The following TMEM132D variants were observed in gnomAD, a reference collection of about 807,000 sequenced individuals.
TMEM132D encodes the protein mature OL transmembrane protein.
TMEM132D carries 21 observed loss-of-function variants against 62.3 expected under a neutral mutation model. That is an observed-to-expected ratio of 0.34 (90% CI 0.24 to 0.49). The LOEUF (loss-of-function observed/expected upper bound fraction) is 0.49, where lower values mean the gene tolerates loss of function less well. TMEM132D is among the 20% of genes least tolerant of loss of function. TMEM132D has a pLI of 0.99. For missense variants in TMEM132D, 1,346 were observed against 1,402.8 expected, an observed-to-expected ratio of 0.96 and a Z score of 0.65; for synonymous variants, 621 against 575.6, an observed-to-expected ratio of 1.08 and a Z score of -1.13.
At chr12:129,366,796 C>T (rs1299025696) in intron 3 of TMEM132D, among the ~76,000 whole-genome samples, 1 of 152,116 alleles carries the variant, frequency 6.6e-6, no homozygotes, top group Non-Finnish European at 1.5e-5. Flanking sequence ...GCCGAGAATC[C>T]TTCAGCAGAG....
chr12:129,133,800 A>G (rs11060157), intron 5 of TMEM132D, among the ~76,000 whole-genome samples: 13,541 of 152,282 alleles, frequency 0.089, 857 homozygotes, highest in Non-Finnish European at 0.13. Flanking sequence ...GTACGCGCCA[A>G]TTAGGTCAGG....
intron 4 of TMEM132D, among the ~76,000 whole-genome samples, chr12:129,247,122 G>A (rs572641616): frequency 5.3e-5 from 8 of 152,252 alleles, no homozygotes; most frequent in East Asian, 1.9e-4. Flanking sequence ...AGTATATATC[G>A]GGATATTGCT....
At chr12:129,192,393 C>T (rs1332319234) in intron 5 of TMEM132D, among the ~76,000 whole-genome samples, 1 of 152,198 alleles carries the variant, frequency 6.6e-6, no homozygotes, top group Non-Finnish European at 1.5e-5. Flanking sequence ...TGATCACACA[C>T]ACTCATTATG....
intron 4 of TMEM132D, among the ~76,000 whole-genome samples, chr12:129,268,171 A>C (rs1880747886): frequency 6.6e-6 from 1 of 152,254 alleles, no homozygotes; most frequent in Admixed American, 6.5e-5. Flanking sequence ...AACCAAAGCC[A>C]AAATTGACAA....
At position 129,529,697 on chromosome 12, in the gene TMEM132D, C is replaced by A. The variant is rs1289153305; in HGVS notation, c.1115+1362G>T. The stretch of plus-strand genomic sequence containing the variant: ...ATAAAGAATAAACACATCTATTCAT[C>A]CACCCTCTCATCCATCCACTCATCC... On this transcript the variant is annotated intron_variant, in intron 3 of 8. Coordinates refer to ENST00000422113, the MANE Select transcript of TMEM132D (RefSeq NM_133448.3). Among the ~76,000 whole-genome samples the A allele has an allele frequency of 7.2e-4, 110 of 152,274 alleles. 1 individual carries two copies. The highest frequency in any genetic ancestry group is 2.9e-5 in the Non-Finnish European group (2 of 68,026).
At chr12:129,729,397 CATCATCTTTGGCCTCTA>C (rs1869144231) in intron 1 of TMEM132D, among the ~76,000 whole-genome samples, 1 of 152,192 alleles carries the variant, frequency 6.6e-6, no homozygotes. Flanking sequence ...GAAAACTTAG[CATCATCTTTGGCCTCTA>C]GTCAATACAT....
In TMEM132D at chr12:129,879,887, C is replaced by G. The variant is rs142931709; in HGVS notation, c.79+23374G>C. On this transcript the variant is annotated intron_variant, in intron 1 of 8. Transcript: ENST00000422113. ...GAAGACCCTCTGAGGCAATATGAAA[C>G]AGTCTAGCATACTTGCAACTGGAAT... Among the ~76,000 whole-genome samples, 197 of 152,102 alleles carry G rather than the reference C, an allele frequency of 1.3e-3. 2 individuals are homozygous for G. The highest frequency in any genetic ancestry group is 4.0e-3 in the African/African-American group (164 of 41,482).
chr12:129,512,530 A>T (rs1420177458), intron 3 of TMEM132D, among the ~76,000 whole-genome samples: 2 of 152,232 alleles, frequency 1.3e-5, no homozygotes. Context: ...ATTGTAGTGT[A>T]ACAAAACAGC....
At chr12:129,554,672 A>G (rs902427607) in intron 2 of TMEM132D, among the ~76,000 whole-genome samples, 16 of 152,158 alleles carry the variant, frequency 1.1e-4, no homozygotes, top group Non-Finnish European at 2.1e-4. Flanking sequence ...CACTTGTTGA[A>G]CTGGATATTT....
At chr12:129,735,795 C>T (rs996192541) in intron 1 of TMEM132D, among the ~76,000 whole-genome samples, 1 of 152,158 alleles carries the variant, frequency 6.6e-6, no homozygotes, top group Non-Finnish European at 1.5e-5. Flanking sequence ...GGGAGGGTAT[C>T]AAGGATATTC....
chr12:129,175,919 T>C (rs1424127277), intron 5 of TMEM132D, among the ~76,000 whole-genome samples: 1 of 152,182 alleles, frequency 6.6e-6, no homozygotes, highest in Admixed American at 6.5e-5. Flanking sequence ...TGAAGTAAAA[T>C]GTCTGGCAGA....
At chr12:129,322,662 A>T (rs1243799962) in intron 4 of TMEM132D, among the ~76,000 whole-genome samples, 3 of 152,096 alleles carry the variant, frequency 2.0e-5, no homozygotes, top group African/African-American at 4.8e-5. Context: ...CATTACACCA[A>T]GGTTGTTACA....
intron 3 of TMEM132D, among the ~76,000 whole-genome samples, chr12:129,470,039 T>G (rs1014784566): frequency 6.6e-6 from 1 of 152,180 alleles, no homozygotes; most frequent in African/African-American, 2.4e-5. Flanking sequence ...GTGTACAGTA[T>G]GTGAATCAAC....
intron 3 of TMEM132D, among the ~76,000 whole-genome samples, chr12:129,429,652 T>C (rs1872597180): frequency 6.6e-6 from 1 of 151,486 alleles, no homozygotes; most frequent in Non-Finnish European, 1.5e-5. Flanking sequence ...GTTACATATG[T>C]ATACATGTGC....
At chr12:129,227,327 G>T (rs1259654275) in intron 4 of TMEM132D, among the ~76,000 whole-genome samples, 1 of 65,714 alleles carries the variant, frequency 1.5e-5, no homozygotes, top group African/African-American at 5.5e-5. Flanking sequence ...ATATATATAT[G>T]GCGCAAGTCG....
rs574396669 is a variant in TMEM132D at position 129,359,763 on chromosome 12, G to A, written c.1116-21946C>T. 4.8e-4 allele frequency among the ~76,000 whole-genome samples: 73 copies of A among 152,252 alleles called. 1 individual carries two copies. The highest frequency in any genetic ancestry group is 9.6e-4 in the Non-Finnish European group (65 of 68,014). ...AGGTAGTCAAATACTTACTCCCACT[G>A]AGAATGAATAAGTTTAATTTTAAGA... On this transcript the variant is annotated intron_variant, in intron 3 of 8. Coordinates refer to ENST00000422113, the MANE Select transcript of TMEM132D (RefSeq NM_133448.3).
intron 1 of TMEM132D, among the ~76,000 whole-genome samples, chr12:129,806,978 G>A (rs866361649): frequency 6.6e-6 from 1 of 152,126 alleles, no homozygotes; most frequent in African/African-American, 2.4e-5. Context: ...GGGTTGCAGT[G>A]AGCCAAGACT....
intron 1 of TMEM132D, among the ~76,000 whole-genome samples, chr12:129,731,703 C>T (rs1299604701): frequency 2.0e-5 from 3 of 151,904 alleles, no homozygotes; most frequent in Non-Finnish European, 4.4e-5. Flanking sequence ...CGCTCTGTCG[C>T]CCGGGCTACA....
intron 3 of TMEM132D, among the ~76,000 whole-genome samples, chr12:129,421,474 G>A (rs1872322707): frequency 6.6e-6 from 1 of 152,188 alleles, no homozygotes; most frequent in African/African-American, 2.4e-5. Flanking sequence ...AGCATGCTAT[G>A]ACATTGCTTG....
Sources: gnomAD v4.1 joint callset for allele counts (sites outside exome capture counted in the v4.1 genomes callset) on GRCh38, gnomAD v4.1.1 for gene constraint, MANE v1.5 for transcripts, NCBI Gene and HGNC (gene_info 2026-07-23, HGNC 2026-07-21) for gene names.